The following SDHA variants were observed in gnomAD, a reference collection of about 807,000 sequenced individuals.
The protein encoded by SDHA is succinate dehydrogenase complex flavoprotein subunit A, also known as succinate dehydrogenase [ubiquinone] flavoprotein subunit, mitochondrial.
In SDHA, 48 loss-of-function variants were observed where a neutral mutation model predicts 78.4. The ratio of observed to expected loss-of-function variants is 0.61; its 90% CI spans 0.49 to 0.78. SDHA has a LOEUF of 0.78. SDHA is among the 30% of genes least tolerant of loss of function. SDHA has a pLI of 0.00. For missense variants in SDHA, 680 were observed against 892.7 expected, an observed-to-expected ratio of 0.76 and a Z score of 3.04; for synonymous variants, 326 against 353.9, an observed-to-expected ratio of 0.92 and a Z score of 0.88.
chr5:226,950 A>AC (rs1274242371), intron 5 of SDHA, among the ~76,000 whole-genome samples: 3 of 149,888 alleles, frequency 2.0e-5, no homozygotes, highest in Non-Finnish European at 3.0e-5. Flanking sequence ...AAAAAAAAGA[A>AC]CAAGTATTTT....
At chr5:229,636 G>A (rs537744007) in intron 6 of SDHA, among the ~76,000 whole-genome samples, 2 of 152,328 alleles carry the variant, frequency 1.3e-5, no homozygotes, top group East Asian at 1.9e-4. Context: ...GTAACTTCCC[G>A]TTACAAGGTG....
intron 8 of SDHA, chr5:233,900 GGA>G (rs1735588394): frequency 1.5e-5 from 7 of 461,266 alleles, no homozygotes; most frequent in South Asian, 1.3e-4. Context: ...ACGGAGTATG[GGA>G]GAGAGAGACA....
chr5:220,523 A>T (rs542716571), intron 1 of SDHA, among the ~76,000 whole-genome samples: 1 of 152,236 alleles, frequency 6.6e-6, no homozygotes, highest in African/African-American at 2.4e-5. Flanking sequence ...ATGGCATTCC[A>T]TTCTGCATTC....
intron 5 of SDHA, 107 bp from the exon 6 acceptor site, chr5:228,078 G>C: frequency 4.5e-6 from 5 of 1,102,146 alleles, no homozygotes; most frequent in South Asian, 1.3e-5. Flanking sequence ...GGATTTACCT[G>C]GTCCATTTGG....
At chr5:249,175 T>C (rs909528676) in intron 11 of SDHA, 3 of 362,434 alleles carry the variant, frequency 8.3e-6, no homozygotes, top group East Asian at 9.4e-5. Context: ...ATAAAAACAC[T>C]TGGAAGCTCT....
intron 11 of SDHA, among the ~76,000 whole-genome samples, chr5:243,715 T>C (rs1223954339): frequency 6.6e-6 from 1 of 152,208 alleles, no homozygotes; most frequent in African/African-American, 2.4e-5. Flanking sequence ...GCTGCAGTTA[T>C]CAGCTTTCGA....
At position 223,540 on chromosome 5, in the gene SDHA, A is replaced by G. The variant is rs1734834413; in HGVS notation, c.122A>G (p.Lys41Arg). The G allele has an allele frequency of 1.9e-6, 3 of 1,613,672 alleles. No individual in the cohort carries two copies. The highest frequency in any genetic ancestry group is 1.7e-5 in the Admixed American group (1 of 60,002). ...TTTCACTTCACTGTTGATGGGAACAAGAGGGCATCTGCTAAAGTTTCAGAT... is the reference window on the plus strand; with the variant it reads ...TTTCACTTCACTGTTGATGGGAACAGGAGGGCATCTGCTAAAGTTTCAGAT... ...RGFHFTVDGN[K>R]RASAKVSDSI... is the part of the protein sequence containing the mutation. Residue 41 changes from lysine (K) to arginine (R), a missense_variant, in exon 2 of 15, where the codon AAG (lysine) becomes AGG (arginine). Coordinates refer to ENST00000264932, the MANE Select transcript of SDHA (RefSeq NM_004168.4).
rs542233089 is a variant in SDHA, at chr5:224,656, C to G, written c.312+135C>G. 26 of 912,628 alleles carry G rather than the reference C, an allele frequency of 2.8e-5. 1 individual carries two copies. In the South Asian group the frequency reaches 3.6e-4, roughly 13 times the overall value. The allele number at this position is 912,628 out of a possible 1,614,324, so 56.5% of individuals were successfully genotyped here. ...CTCTTGCTGTGCCTTACTCAGCTCA[C>G]CCTCTCAGGGGTCTCTCCCTGGAGC... On this transcript the variant is annotated intron_variant, in intron 3 of 14. Coordinates refer to ENST00000264932, the MANE Select transcript of SDHA (RefSeq NM_004168.4).
At chr5:258,568 T>G (rs1335303259), downstream of SDHA, among the ~76,000 whole-genome samples, 172 of 124,960 alleles carry the variant, frequency 1.4e-3, 17 homozygotes, top group African/African-American at 5.6e-3. Flanking sequence ...TGCCGTGAGC[T>G]CCGCCCCCCG....
intron 11 of SDHA, among the ~76,000 whole-genome samples, chr5:246,751 C>G (rs1225523066): frequency 6.6e-6 from 1 of 152,054 alleles, no homozygotes; most frequent in Non-Finnish European, 1.5e-5. Context: ...AGAGCAAGAT[C>G]TTGTAGAATG....
At position 225,230 on chromosome 5, in the gene SDHA, C is replaced by T. The variant is rs542719707; in HGVS notation, c.313-189C>T. Among the ~76,000 whole-genome samples the T allele has an allele frequency of 1.9e-3, 289 of 152,036 alleles. 2 individuals are homozygous for T. The highest frequency in any genetic ancestry group is 6.7e-3 in the African/African-American group (278 of 41,362). On this transcript the variant is annotated intron_variant, in intron 3 of 14. Transcript: ENST00000264932. ...TGAGGCTAAGGATGGAATCACTGGGCGAGTCGGGGAGGGGTTGTGATCTGG... is the reference window on the plus strand; with the variant it reads ...TGAGGCTAAGGATGGAATCACTGGGTGAGTCGGGGAGGGGTTGTGATCTGG...
chr5:236,632 A>G, intron 10 of SDHA, 33 bp downstream of exon 10: 1 of 1,602,018 alleles, frequency 6.2e-7, no homozygotes, highest in Non-Finnish European at 8.6e-7. Context: ...AGACTATTTG[A>G]GAAGGCGCAG....
Position 251,158 on chromosome 5 carries a change from G to C in SDHA, c.1663+55G>C, listed in dbSNP as rs548608652. On this transcript the variant is annotated intron_variant, in intron 12 of 14. Transcript: ENST00000264932. ...GTTGGGCCCTTCCTTCTGCAGGGTG[G>C]GCTGGTGTCTGTCCCGTCAGTGCTG... The C allele has an allele frequency of 3.0e-5, 48 of 1,584,366 alleles. No homozygotes were observed. The East Asian group carries it at 9.2e-4, about 30-fold the overall frequency.
chr5:267,015 C>T, the SDHA span, among the ~76,000 whole-genome samples: 2 of 152,324 alleles, frequency 1.3e-5, no homozygotes, highest in African/African-American at 4.8e-5. Flanking sequence ...ATGATGCTAT[C>T]ACTAGAAAGT....
At chr5:244,130 G>A (rs1721144208) in intron 11 of SDHA, among the ~76,000 whole-genome samples, 1 of 152,002 alleles carries the variant, frequency 6.6e-6, no homozygotes, top group African/African-American at 2.4e-5. Context: ...CCAAACCGGG[G>A]CATTTCCGGC....
chr5:228,219 A>G lies in SDHA; in HGVS notation c.656A>G (p.Tyr219Cys), dbSNP rs756877901. The G allele has an allele frequency of 6.2e-7, 1 of 1,613,274 alleles. No homozygotes were observed. Among genetic ancestry groups the G allele is most frequent in the Admixed American group, 1.7e-5 (1 of 59,948 alleles). Reference sequence around the variant, plus strand: ...TATGATACCAGCTATTTTGTGGAGTATTTTGCCTTGGATCTCCTGATGGAG... The same window carrying G: ...TATGATACCAGCTATTTTGTGGAGTGTTTTGCCTTGGATCTCCTGATGGAG... ...LRYDTSYFVEYFALDLLMENG... is the reference protein window; with the variant it reads ...LRYDTSYFVECFALDLLMENG... Residue 219 changes from tyrosine (Y) to cysteine (C), a missense_variant, in exon 6 of 15, where the codon TAT becomes TGT. By Grantham distance (194) the Tyr-to-Cys change is radical. Coordinates refer to ENST00000264932, the MANE Select transcript of SDHA (RefSeq NM_004168.4).
chr5:257,428 C>CA (rs1240618627), downstream of SDHA, among the ~76,000 whole-genome samples: 6 of 141,932 alleles, frequency 4.2e-5, 1 homozygote, highest in Non-Finnish European at 7.5e-5. Flanking sequence ...CACCACCTGT[C>CA]AGAGCATTAC....
chr5:236,087 C>T (rs1735759122), intron 9 of SDHA: 11 of 362,548 alleles, frequency 3.0e-5, no homozygotes, highest in Admixed American at 1.1e-4. Context: ...AGCAGTGGTG[C>T]GATCTCAGCT....
chr5:233,483 A>G lies in SDHA; in HGVS notation c.902A>G (p.Tyr301Cys), dbSNP rs182055219. 18 of 1,614,120 alleles carry G rather than the reference A, an allele frequency of 1.1e-5. No homozygotes were observed. Among genetic ancestry groups the G allele is most frequent in the Admixed American group, 5.0e-5 (3 of 60,026 alleles). Residue 301 changes from tyrosine (Y) to cysteine (C), a missense_variant, in exon 8 of 15, where the codon TAT becomes TGT. Tyr to Cys is a radical substitution (Grantham distance 194). Coordinates refer to ENST00000264932, the MANE Select transcript of SDHA (RefSeq NM_004168.4). ...EFVQFHPTGI[Y>C]GAGCLITEGC... ...TATGTGTGGTTTTTTGCAGGCATAT[A>G]TGGTGCTGGTTGTCTCATTACGGAA...
Sources: gnomAD v4.1 joint callset for allele counts (sites outside exome capture counted in the v4.1 genomes callset) on GRCh38, gnomAD v4.1.1 for gene constraint, MANE v1.5 for transcripts, NCBI Gene and HGNC (gene_info 2026-07-23, HGNC 2026-07-21) for gene names.